SNRPN: variants seen among roughly 807,000 people sequenced by gnomAD.
SNRPN encodes the protein small nuclear ribonucleoprotein-associated protein N.
Under a neutral mutation model 25.2 loss-of-function variants are expected in SNRPN, and 7 were observed. That is an observed-to-expected ratio of 0.28 (90% confidence interval 0.16 to 0.52). The LOEUF is 0.52. Among genes scored for constraint, SNRPN ranks in the 20% least tolerant of loss-of-function variants. SNRPN has a pLI of 0.96. For synonymous variants in SNRPN, 124 were observed against 110.6 expected, an observed-to-expected ratio of 1.12 and a Z score of -0.76; for missense variants, 196 against 322.5, an observed-to-expected ratio of 0.61 and a Z score of 3.00.
chr15:24,957,868 G>A (rs761331775), intron 1 of SNRPN, among the ~76,000 whole-genome samples: 2 of 152,076 alleles, frequency 1.3e-5, no homozygotes, highest in African/African-American at 4.8e-5. Flanking sequence ...ATTCAGGCCC[G>A]GGATCCTAAT....
intron 2 of SNRPN, among the ~76,000 whole-genome samples, chr15:24,911,726 GAA>G (rs949287676): frequency 8.5e-5 from 13 of 152,224 alleles, no homozygotes; most frequent in African/African-American, 2.9e-4. Context: ...CCCAATCAGA[GAA>G]CTGCTGTAGG....
intron 2 of SNRPN, among the ~76,000 whole-genome samples, chr15:24,837,413 G>A (rs998710486): frequency 6.6e-6 from 1 of 151,386 alleles, no homozygotes; most frequent in Non-Finnish European, 1.5e-5. Flanking sequence ...TGTAGCCCAG[G>A]CTGGAGTGCA....
At position 24,978,664 on chromosome 15, in the gene SNRPN, CA is replaced by C; in HGVS notation, c.*221del. ...GTGGATGAGGGTGATGCCTATTAAG[CA>C]GTTGATTCAAATCATATTCTCTTTA... On this transcript the variant is annotated 3_prime_UTR_variant, in exon 10 of 10. Coordinates refer to ENST00000390687, the MANE Select transcript of SNRPN (RefSeq NM_003097.6). 1 of 583,746 alleles carries C rather than the reference CA, an allele frequency of 1.7e-6. No individual in the cohort carries two copies. The highest frequency in any genetic ancestry group is 3.0e-6 in the Non-Finnish European group (1 of 330,542). The allele number at this position is 583,746 out of a possible 1,614,324, so 36.2% of individuals were successfully genotyped here.
intron 1 of SNRPN, among the ~76,000 whole-genome samples, chr15:24,864,925 G>C (rs2054423046): frequency 6.6e-6 from 1 of 151,778 alleles, no homozygotes; most frequent in Non-Finnish European, 1.5e-5. Context: ...AAAATCATGA[G>C]ATCTATAAAT....
intron 1 of SNRPN, among the ~76,000 whole-genome samples, chr15:24,870,872 T>C (rs992301859): frequency 3.3e-5 from 5 of 151,652 alleles, no homozygotes; most frequent in African/African-American, 1.2e-4. Flanking sequence ...TTTTTTGGTT[T>C]TTTGTTTGTT....
intron 1 of SNRPN, among the ~76,000 whole-genome samples, chr15:24,865,519 T>C (rs1390016780): frequency 6.6e-6 from 1 of 152,154 alleles, no homozygotes; most frequent in Non-Finnish European, 1.5e-5. Flanking sequence ...ATCAAGGCTG[T>C]AGCGATGGCT....
intron 3 of SNRPN, 50 bp downstream of exon 3, chr15:24,968,132 G>A (rs368623157): frequency 4.1e-5 from 43 of 1,049,124 alleles, no homozygotes; most frequent in African/African-American, 2.8e-4. Context: ...TTAAAGAATG[G>A]GGTGTTGGGG....
intron 1 of SNRPN, 87 bp downstream of exon 1, chr15:24,955,149 G>C (rs2062628411): frequency 6.4e-7 from 1 of 1,572,112 alleles, no homozygotes; most frequent in African/African-American, 1.3e-5. Context: ...TTAGGACTTG[G>C]AGTACTGAAT....
intron 2 of SNRPN, among the ~76,000 whole-genome samples, chr15:24,896,022 T>C (rs7175356): frequency 0.012 from 1,791 of 152,332 alleles, 38 homozygotes; most frequent in African/African-American, 0.041. Flanking sequence ...AAGGTTCATG[T>C]TGAGTTCTAC....
intron 1 of SNRPN, among the ~76,000 whole-genome samples, chr15:24,885,716 C>CTGTG (rs58691279): frequency 0.13 from 18,191 of 141,596 alleles, 1,318 homozygotes; most frequent in South Asian, 0.19. Context: ...GAATCTGGGG[C>CTGTG]TGTGTGTGTG....
At chr15:24,877,661 A>AACACACACACACACACAC (rs72120147) in intron 1 of SNRPN, among the ~76,000 whole-genome samples, 162 of 144,752 alleles carry the variant, frequency 1.1e-3, no homozygotes, top group African/African-American at 4.1e-3. Context: ...ATCTCTACAA[A>AACACACACACACACACAC]ACACACACAC....
chr15:24,941,755 G>A lies in SNRPN; in HGVS notation c.-390-20359G>A, dbSNP rs542037173. 5.3e-5 allele frequency among the ~76,000 whole-genome samples: 8 copies of A among 152,098 alleles called. 1 individual carries two copies. In the East Asian group the frequency reaches 9.7e-4, roughly 18 times the overall value. On this transcript the variant is annotated intron_variant, in intron 3 of 11. Transcript: ENST00000400097. ...ATGAGGAGCCTAAAAGGGTTAGATGGCAGTTTTTTGTTTTTATTTATTTAT... is the reference window on the plus strand; with the variant it reads ...ATGAGGAGCCTAAAAGGGTTAGATGACAGTTTTTTGTTTTTATTTATTTAT...
intron 2 of SNRPN, among the ~76,000 whole-genome samples, chr15:24,839,514 C>T (rs1014695266): frequency 2.6e-5 from 4 of 152,090 alleles, no homozygotes; most frequent in Admixed American, 2.6e-4. Context: ...AATTGCCATT[C>T]CCTGATGAGG....
At chr15:24,857,155 G>A (rs2053479069) in intron 1 of SNRPN, among the ~76,000 whole-genome samples, 1 of 152,124 alleles carries the variant, frequency 6.6e-6, no homozygotes, top group African/African-American at 2.4e-5. Context: ...AATTGTAAAA[G>A]GTAGACAAAG....
At chr15:24,915,851 C>G (rs997911262) in intron 2 of SNRPN, among the ~76,000 whole-genome samples, 1 of 151,638 alleles carries the variant, frequency 6.6e-6, no homozygotes, top group Non-Finnish European at 1.5e-5. Flanking sequence ...TATAAAACTC[C>G]TTGTGACAAA....
chr15:24,894,686 A>C (rs1184876427), intron 2 of SNRPN, among the ~76,000 whole-genome samples: 1 of 152,214 alleles, frequency 6.6e-6, no homozygotes, highest in East Asian at 1.9e-4. Context: ...TTGGGAAAAT[A>C]AGGGACAAGG....
chr15:24,872,871 C>CA lies in SNRPN; in HGVS notation c.-578-13620dup, dbSNP rs202062268. On this transcript the variant is annotated intron_variant, in intron 1 of 11. Transcript: ENST00000400097. ...TGGGTGACAGAGCGAGACTCCGTCT[C>CA]AAAAAAAAAAAAAAAAAAAAAAAAA... Among the ~76,000 whole-genome samples, 394 of 59,158 alleles carry CA rather than the reference C, an allele frequency of 6.7e-3. 39 individuals are homozygous for CA. The highest frequency in any genetic ancestry group is 0.045 in the Middle Eastern group (5 of 110). The allele number at this position is 59,158 out of a possible 152,430, so 38.8% of individuals were successfully genotyped here.
At chr15:24,971,027 G>A (rs879478889) in intron 3 of SNRPN, among the ~76,000 whole-genome samples, 2 of 151,702 alleles carry the variant, frequency 1.3e-5, no homozygotes, top group Non-Finnish European at 2.9e-5. Flanking sequence ...TGCTATGTGT[G>A]CCTTGGCCAA....
chr15:24,841,891 T>C (rs1207055816), intron 2 of SNRPN, among the ~76,000 whole-genome samples: 1 of 152,156 alleles, frequency 6.6e-6, no homozygotes, highest in Non-Finnish European at 1.5e-5. Context: ...TCTTGGGCCC[T>C]GACAATAAGG....
Sources: gnomAD v4.1 joint callset for allele counts (sites outside exome capture counted in the v4.1 genomes callset) on GRCh38, gnomAD v4.1.1 for gene constraint, MANE v1.5 for transcripts, NCBI Gene and HGNC (gene_info 2026-07-23, HGNC 2026-07-21) for gene names.